STK32A: variants seen among roughly 807,000 people sequenced by gnomAD.
STK32A encodes serine/threonine kinase 32A.
In STK32A, 41 loss-of-function variants were observed where a neutral mutation model predicts 53.2. The observed-to-expected ratio is 0.77, with a 90% CI of 0.60 to 1.00. STK32A has a LOEUF of 1.00. Among genes scored for constraint, STK32A ranks in the 50% least tolerant of loss-of-function variants. The pLI is 0.00. For missense variants in STK32A, 458 were observed against 485.8 expected (o/e 0.94, Z 0.54); for synonymous variants, 166 against 162.8 (o/e 1.02, Z -0.15).
At chr5:147,316,120 A>G (rs1158948415) in intron 4 of STK32A, among the ~76,000 whole-genome samples, 13 of 152,180 alleles carry the variant, frequency 8.5e-5, no homozygotes, top group Admixed American at 2.0e-4. Context: ...TAATGTTGAT[A>G]CTGTTATTTT....
At chr5:147,358,067 A>C (rs1054767450) in intron 7 of STK32A, among the ~76,000 whole-genome samples, 4 of 152,098 alleles carry the variant, frequency 2.6e-5, no homozygotes, top group Admixed American at 6.6e-5. Context: ...ATCCCATTAA[A>C]TGTATAGATT....
chr5:147,259,867 TG>T, intron 2 of STK32A, among the ~76,000 whole-genome samples: 1 of 138,316 alleles, frequency 7.2e-6, no homozygotes. Context: ...CCCTCTCTTC[TG>T]TCTCTCTCTC....
the STK32A span, among the ~76,000 whole-genome samples, chr5:147,396,575 G>A: frequency 5.0e-4 from 76 of 152,266 alleles, no homozygotes; most frequent in African/African-American, 1.7e-3. Context: ...CCCTGTTAGT[G>A]ACTCAAATGC....
intron 11 of STK32A, among the ~76,000 whole-genome samples, chr5:147,377,419 C>A (rs142160135): frequency 3.0e-4 from 46 of 152,170 alleles, no homozygotes; most frequent in African/African-American, 1.0e-3. Context: ...TTCCTCAGGA[C>A]AATTTCTATC....
intron 8 of STK32A, among the ~76,000 whole-genome samples, chr5:147,363,267 T>C (rs1756592358): frequency 6.6e-6 from 1 of 151,992 alleles, no homozygotes; most frequent in African/African-American, 2.4e-5. Flanking sequence ...CAAATTCTAT[T>C]ATATCTTAAA....
At position 147,384,169 on chromosome 5, in the gene STK32A, T is replaced by C. The variant is rs75293173; in HGVS notation, c.*186T>C. 9.7e-3 allele frequency: 13,928 copies of C among 1,440,242 alleles called. 866 individuals carry two copies. In the East Asian group the frequency reaches 0.19, roughly 19 times the overall value. The allele number at this position is 1,440,242 out of a possible 1,614,324, so 89.2% of individuals were successfully genotyped here. A position where few individuals can be genotyped will look rare whatever the true frequency, so the allele number is the denominator to read the frequency against. ...GGGCCTGAGCTCCTGGGATGTCATT[T>C]CACATCAATCAACTGTGTGATCTAG... On this transcript the variant is annotated 3_prime_UTR_variant, in exon 13 of 13. Transcript: ENST00000397936.
intron 11 of STK32A, among the ~76,000 whole-genome samples, chr5:147,378,822 T>C (rs1425304590): frequency 7.0e-6 from 1 of 143,542 alleles, no homozygotes; most frequent in Non-Finnish European, 1.5e-5. Flanking sequence ...AGTGTAGTAG[T>C]GTAATAATGC....
At chr5:147,307,362 T>C (rs1753460271) in intron 4 of STK32A, among the ~76,000 whole-genome samples, 1 of 152,130 alleles carries the variant, frequency 6.6e-6, no homozygotes, top group Admixed American at 6.5e-5. Flanking sequence ...GACTCACGCT[T>C]GTAATCCCAG....
At chr5:147,331,856 T>G (rs150905952) in intron 5 of STK32A, among the ~76,000 whole-genome samples, 1 of 152,232 alleles carries the variant, frequency 6.6e-6, no homozygotes, top group East Asian at 1.9e-4. Context: ...TGCCAGAGAT[T>G]GCCAGCAAAC....
At chr5:147,292,890 A>G (rs558194421) in intron 4 of STK32A, among the ~76,000 whole-genome samples, 33 of 152,272 alleles carry the variant, frequency 2.2e-4, no homozygotes, top group Non-Finnish European at 2.9e-5. Context: ...TTAGTTCTCT[A>G]TCAGTTCAGT....
At chr5:147,273,470 T>A (rs781305833) in intron 2 of STK32A, among the ~76,000 whole-genome samples, 17 of 152,194 alleles carry the variant, frequency 1.1e-4, no homozygotes, top group Non-Finnish European at 2.4e-4. Context: ...CTAGGCAGAC[T>A]CAGGTGAGTT....
chr5:147,247,358 T>C (rs538673824), intron 2 of STK32A, among the ~76,000 whole-genome samples: 7 of 152,258 alleles, frequency 4.6e-5, no homozygotes, highest in Non-Finnish European at 1.5e-5. Context: ...AAGCCAGTCA[T>C]GGAATAACAT....
chr5:147,325,903 C>T (rs1400252113), intron 5 of STK32A, among the ~76,000 whole-genome samples: 1 of 152,182 alleles, frequency 6.6e-6, no homozygotes, highest in Non-Finnish European at 1.5e-5. Flanking sequence ...TGTGACATCA[C>T]AGATATCAGA....
chr5:147,263,838 T>C (rs1754690945), intron 2 of STK32A, among the ~76,000 whole-genome samples: 1 of 152,146 alleles, frequency 6.6e-6, no homozygotes, highest in African/African-American at 2.4e-5. Context: ...TTGAAGAACA[T>C]AAGTTTTCAG....
At chr5:147,343,316 T>A (rs796503339) in intron 6 of STK32A, 11 of 620,338 alleles carry the variant, frequency 1.8e-5, no homozygotes, top group South Asian at 1.7e-4. Flanking sequence ...AAGAAAACCA[T>A]CACAACTTTT....
chr5:147,318,084 CT>C (rs1297357287), intron 4 of STK32A, among the ~76,000 whole-genome samples: 2 of 151,974 alleles, frequency 1.3e-5, no homozygotes, highest in Non-Finnish European at 2.9e-5. Flanking sequence ...CATTTGTGTG[CT>C]TTTTTTCCTT....
intron 2 of STK32A, among the ~76,000 whole-genome samples, chr5:147,249,908 C>A (rs1326085737): frequency 4.8e-3 from 283 of 58,466 alleles, no homozygotes; most frequent in South Asian, 0.014. Flanking sequence ...GCCTCTGTCT[C>A]AAAAAAAAAA....
At chr5:147,259,113 AT>A (rs1754375096) in intron 2 of STK32A, among the ~76,000 whole-genome samples, 1 of 152,120 alleles carries the variant, frequency 6.6e-6, no homozygotes, top group South Asian at 2.1e-4. Context: ...AGGGATTTAG[AT>A]CCCCTGTTAG....
At chr5:147,351,396 T>C (rs111226100) in intron 7 of STK32A, among the ~76,000 whole-genome samples, 1 of 152,152 alleles carries the variant, frequency 6.6e-6, no homozygotes, top group African/African-American at 2.4e-5. Context: ...TTGTACCCAC[T>C]TCCTAACAAA....
Sources: gnomAD v4.1 joint callset for allele counts (sites outside exome capture counted in the v4.1 genomes callset) on GRCh38, gnomAD v4.1.1 for gene constraint, MANE v1.5 for transcripts, NCBI Gene and HGNC (gene_info 2026-07-23, HGNC 2026-07-21) for gene names.